The following RIPOR3 variants were observed in gnomAD, a reference collection of about 807,000 sequenced individuals.
The protein encoded by RIPOR3 is family with sequence similarity 65 member C.
Under a neutral mutation model 114.3 loss-of-function variants are expected in RIPOR3, and 95 were observed. That is an observed-to-expected ratio of 0.83 (90% CI 0.70 to 0.99). RIPOR3 has a LOEUF of 0.99. Ranked by LOEUF, RIPOR3 falls within the 50% of genes least tolerant of loss-of-function variation. The probability of loss-of-function intolerance (pLI) is 0.00; values close to 1 mark genes in which losing one functional copy is unlikely to be tolerated. For missense variants in RIPOR3, 1,252 were observed against 1,266.9 expected, an observed-to-expected ratio of 0.99 and a Z score of 0.18; for synonymous variants, 575 against 543.8, an observed-to-expected ratio of 1.06 and a Z score of -0.80.
intron 13 of RIPOR3, among the ~76,000 whole-genome samples, chr20:50,600,326 T>A (rs1198096318): frequency 3.3e-5 from 5 of 152,226 alleles, no homozygotes; most frequent in East Asian, 3.8e-4. Flanking sequence ...AAAAGAAAAG[T>A]TCCTTAAAGA....
Position 50,593,065 on chromosome 20 carries a change from C to G in RIPOR3, c.2344G>C (p.Glu782Gln), listed in dbSNP as rs200944190. Residue 782 changes from glutamate to glutamine, a missense_variant, in exon 18 of 22, where the codon GAG becomes CAG. Transcript: ENST00000327979. ...TTGGTGAGCTGGGTGAAGTGCTTCT[C>G]CAGGTCAGAGACGCTCTGCCTCTGC... ...YLQRQSVSDL[E>Q]KHFTQLTKEV... The G allele has an allele frequency of 1.9e-6, 3 of 1,614,136 alleles. No individual in the cohort carries two copies. In the African/African-American group the frequency reaches 4.0e-5, roughly 22 times the overall value.
chr20:50,657,525 C>A (rs2085852109), intron 1 of RIPOR3, among the ~76,000 whole-genome samples: 1 of 151,262 alleles, frequency 6.6e-6, no homozygotes, highest in African/African-American at 2.4e-5. Context: ...AGACTCTTCT[C>A]AGAAAAAAAA....
chr20:50,625,748 G>A (rs970209638), intron 2 of RIPOR3, among the ~76,000 whole-genome samples: 3 of 152,108 alleles, frequency 2.0e-5, no homozygotes, highest in African/African-American at 7.2e-5. Flanking sequence ...TGTCAACTGG[G>A]GCAGAGTAGG....
chr20:50,589,419 G>C (rs1568810982), intron 20 of RIPOR3, among the ~76,000 whole-genome samples: 1 of 151,698 alleles, frequency 6.6e-6, no homozygotes, highest in Non-Finnish European at 1.5e-5. Flanking sequence ...GTCCCGAGTA[G>C]CTGGGACTAC....
At chr20:50,659,153 G>A (rs2085912292) in intron 1 of RIPOR3, among the ~76,000 whole-genome samples, 1 of 151,926 alleles carries the variant, frequency 6.6e-6, no homozygotes, top group Admixed American at 6.5e-5. Flanking sequence ...TAATAATGCA[G>A]CATTTGCTTG....
At chr20:50,686,457 G>A (rs1034602451) in intron 1 of RIPOR3, among the ~76,000 whole-genome samples, 5 of 151,960 alleles carry the variant, frequency 3.3e-5, no homozygotes, top group African/African-American at 4.8e-5. Context: ...AATAAAACAC[G>A]CATGCTTGGG....
At chr20:50,657,872 G>T (rs2085865457) in intron 1 of RIPOR3, among the ~76,000 whole-genome samples, 1 of 150,280 alleles carries the variant, frequency 6.7e-6, no homozygotes, top group African/African-American at 2.5e-5. Flanking sequence ...TTCTGCATCA[G>T]CCTCTCTCTT....
rs1295433044 is a variant in RIPOR3 at position 50,652,602 on chromosome 20, A to G, written c.4-21746T>C. ...AGAGATTCTGTCTCAAAAAAAAAAAAAAAAAAAAAAAGAAAAGAAAAGAAA... is the reference window on the plus strand; with the variant it reads ...AGAGATTCTGTCTCAAAAAAAAAAAGAAAAAAAAAAAGAAAAGAAAAGAAA... On this transcript the variant is annotated intron_variant, in intron 1 of 21. Transcript: ENST00000327979. 2.7e-3 allele frequency among the ~76,000 whole-genome samples: 400 copies of G among 150,540 alleles called. 3 individuals are homozygous for G. Among genetic ancestry groups the G allele is most frequent in the Middle Eastern group, 0.01 (3 of 294 alleles).
At chr20:50,612,188 G>C (rs2084003164) in intron 4 of RIPOR3, among the ~76,000 whole-genome samples, 1 of 151,286 alleles carries the variant, frequency 6.6e-6, no homozygotes, top group Non-Finnish European at 1.5e-5. Flanking sequence ...GCCTACCTTA[G>C]AGTTACTTCT....
At chr20:50,652,463 C>T (rs1456783364) in intron 1 of RIPOR3, among the ~76,000 whole-genome samples, 9 of 151,612 alleles carry the variant, frequency 5.9e-5, no homozygotes, top group East Asian at 1.9e-4. Context: ...TGGTGGCGGG[C>T]GCCTGTAATC....
chr20:50,590,123 G>T (rs1012754786), intron 19 of RIPOR3: 1 of 256,264 alleles, frequency 3.9e-6, no homozygotes, highest in Non-Finnish European at 7.9e-6. Flanking sequence ...TCCCATGTGC[G>T]TTGCCCTCTT....
At chr20:50,665,904 G>C (rs1395972196) in intron 1 of RIPOR3, among the ~76,000 whole-genome samples, 3 of 152,022 alleles carry the variant, frequency 2.0e-5, no homozygotes, top group Non-Finnish European at 4.4e-5. Flanking sequence ...GCACCTCACT[G>C]TATCCAGCTA....
At chr20:50,612,508 G>C (rs1281402191) in intron 4 of RIPOR3, among the ~76,000 whole-genome samples, 4 of 152,124 alleles carry the variant, frequency 2.6e-5, no homozygotes, top group Non-Finnish European at 5.9e-5. Context: ...GTTACCATGG[G>C]GTTGTAGATC....
In RIPOR3 at chr20:50,613,098, GAATA is replaced by G. The variant is rs202026416; in HGVS notation, c.349-1898_349-1895del. On this transcript the variant is annotated intron_variant, in intron 4 of 21. Transcript: ENST00000327979. Reference sequence around the variant, plus strand: ...ACAGAGTAAGACCTTGTCACTTTAAGAATAAATAAATAAAATCTTTTTAAAATTA... The same window carrying G: ...ACAGAGTAAGACCTTGTCACTTTAAGAATAAATAAAATCTTTTTAAAATTA... Among the ~76,000 whole-genome samples the G allele has an allele frequency of 5.3e-3, 803 of 152,004 alleles. 13 individuals carry two copies. Among genetic ancestry groups the G allele is most frequent in the African/African-American group, 0.018 (747 of 41,448 alleles).
chr20:50,602,581 G>A lies in RIPOR3; in HGVS notation c.1150C>T (p.Leu384Phe), dbSNP rs756670391. The A allele has an allele frequency of 2.6e-6, 4 of 1,524,782 alleles. No individual in the cohort carries two copies. Among genetic ancestry groups the A allele is most frequent in the African/African-American group, 1.4e-5 (1 of 71,796 alleles). 94.5% of individuals were successfully genotyped at this position (1,524,782 alleles called of 1,614,324 possible). A position where few individuals can be genotyped will look rare whatever the true frequency, so the allele number is the denominator to read the frequency against. ...AGGTCGCTGTCAGACAGGTAGCTGA[G>A]GATGGAGGTGGCCCTTGGGCCACCC... is the stretch of plus-strand genomic sequence containing the variant. ...LLGGPRATSI[L>F]SYLSDSDLRG... Residue 384 changes from leucine to phenylalanine, a missense_variant, in exon 13 of 22, where the codon CTC (leucine) becomes TTC (phenylalanine). Leu to Phe is a conservative substitution (Grantham distance 22). Coordinates refer to ENST00000327979, the MANE Select transcript of RIPOR3 (RefSeq NM_001290268.2). This position sits in a 1 kb window ranked among gnomAD's most constrained non-coding sequence, Gnocchi z 4.3.
chr20:50,633,928 C>G (rs185794819), intron 1 of RIPOR3, among the ~76,000 whole-genome samples: 3 of 151,960 alleles, frequency 2.0e-5, no homozygotes, highest in Admixed American at 2.0e-4. Flanking sequence ...AGAGGCGACT[C>G]AGGGACACAC....
In RIPOR3 at chr20:50,587,160, G is replaced by A. The variant is rs1446602010; in HGVS notation, c.*72C>T. The A allele has an allele frequency of 8.6e-7, 1 of 1,167,298 alleles. No homozygotes were observed. The highest frequency in any genetic ancestry group is 2.4e-5 in the East Asian group (1 of 41,996). 72.3% of individuals were successfully genotyped at this position (1,167,298 alleles called of 1,614,324 possible). The stretch of plus-strand genomic sequence containing the variant: ...GGAGTGCACAGCACCATTACCCAGA[G>A]TGCAGGCTATGTCCAGGCTGGGCAG... On this transcript the variant is annotated 3_prime_UTR_variant, in exon 22 of 22. Coordinates refer to ENST00000327979, the MANE Select transcript of RIPOR3 (RefSeq NM_001290268.2).
chr20:50,683,401 C>T (rs1045135748), intron 1 of RIPOR3, among the ~76,000 whole-genome samples: 2 of 151,844 alleles, frequency 1.3e-5, no homozygotes, highest in African/African-American at 4.8e-5. Context: ...GTTCAGGTGC[C>T]CTTTCAGTAT....
chr20:50,674,923 AAAAT>A (rs1287511569), intron 1 of RIPOR3, among the ~76,000 whole-genome samples: 2 of 152,012 alleles, frequency 1.3e-5, no homozygotes, highest in Non-Finnish European at 2.9e-5. Context: ...TCTCTATTAA[AAAAT>A]AAATAAATAA....
Sources: allele counts gnomAD v4.1 joint callset (sites outside exome capture counted in the v4.1 genomes callset), GRCh38; gene constraint gnomAD v4.1.1; non-coding constraint Gnocchi (gnomAD v3.1); transcripts MANE v1.5; gene names NCBI Gene and HGNC (gene_info 2026-07-23, HGNC 2026-07-21).